The following TMEM176B variants were observed in gnomAD, a reference collection of about 807,000 sequenced individuals.
The protein encoded by TMEM176B is LR8-like protein.
TMEM176B carries 28 observed loss-of-function variants against 30.3 expected under a neutral mutation model. The observed-to-expected ratio is 0.92, with a 90% CI of 0.68 to 1.27. TMEM176B has a LOEUF of 1.27. Among genes scored for constraint, TMEM176B ranks in the 50% most tolerant of loss-of-function variants. The probability of loss-of-function intolerance (pLI) is 0.00; values close to 1 mark genes in which losing one functional copy is unlikely to be tolerated. For synonymous variants in TMEM176B, 123 were observed against 130.3 expected (o/e 0.94, Z 0.38); for missense variants, 349 against 327.4 (o/e 1.07, Z -0.51).
At chr7:150,793,905 C>G in intron 3 of TMEM176B, 56 bp downstream of exon 3, 1 of 1,437,942 alleles carries the variant, frequency 7.0e-7, no homozygotes, top group South Asian at 1.3e-5. Flanking sequence ...CCATAAGCGC[C>G]TTCTTGCCCA....
intron 6 of TMEM176B, 133 bp from the exon 7 acceptor site, chr7:150,791,756 A>AG (rs1798318271): frequency 1.1e-6 from 1 of 907,236 alleles, no homozygotes; most frequent in Non-Finnish European, 1.6e-6. Context: ...ATCAGGCAAA[A>AG]AAAAAACAAG....
At chr7:150,798,332 G>T (rs368453475) in intron 1 of TMEM176B, among the ~76,000 whole-genome samples, 11 of 152,178 alleles carry the variant, frequency 7.2e-5, no homozygotes, top group African/African-American at 2.4e-4. Flanking sequence ...TGTCGCCCAG[G>T]CTAGGGTGGC....
intron 2 of TMEM176B, among the ~76,000 whole-genome samples, chr7:150,795,196 C>T (rs1469555710): frequency 6.6e-6 from 1 of 152,210 alleles, no homozygotes; most frequent in Non-Finnish European, 1.5e-5. Flanking sequence ...GGTTCCTGCT[C>T]AGAATCCATT....
chr7:150,791,944 G>A (rs1798327158), intron 6 of TMEM176B, 112 bp downstream of exon 6: 2 of 1,473,982 alleles, frequency 1.4e-6, no homozygotes, highest in Admixed American at 3.8e-5. Context: ...AGAAGCTGAG[G>A]GGCACCAGGC....
At chr7:150,796,248 A>G in intron 2 of TMEM176B, 118 bp downstream of exon 2, 1 of 939,574 alleles carries the variant, frequency 1.1e-6, no homozygotes, top group Non-Finnish European at 1.6e-6. Context: ...GTATGCCCCA[A>G]ATTGCAATTC....
At chr7:150,793,847 A>G in intron 3 of TMEM176B, 114 bp downstream of exon 3, 1 of 1,020,346 alleles carries the variant, frequency 9.8e-7, no homozygotes, top group Non-Finnish European at 1.5e-6. Context: ...GCCAAAGGCC[A>G]TTTGGCTCCA....
rs1798308752 is a variant in TMEM176B at position 150,791,595 on chromosome 7, A to C, written c.749T>G (p.Leu250Arg). 3 of 1,613,934 alleles carry C rather than the reference A, an allele frequency of 1.9e-6. No individual in the cohort carries two copies. Among genetic ancestry groups the C allele is most frequent in the Non-Finnish European group, 8.5e-7 (1 of 1,179,976 alleles). The change falls in exon 7 of 7, where the codon CTG (leucine) becomes CGG (arginine). Residue 250 changes from leucine (L) to arginine (R), a missense_variant. Coordinates refer to ENST00000326442, the MANE Select transcript of TMEM176B (RefSeq NM_001101312.2). ...CGAAGGGGGCACTGAATTCTCCCCC[A>C]GTAGCCTCTTCTCTGATCCTTCCTC... ...LNEEGSEKRL[L>R]GENSVPPSPS...
intron 1 of TMEM176B, among the ~76,000 whole-genome samples, chr7:150,799,476 A>G (rs1425497681): frequency 6.6e-6 from 1 of 152,266 alleles, no homozygotes; most frequent in Non-Finnish European, 1.5e-5. Flanking sequence ...GCTCTAAAAT[A>G]AATCCTGCAT....
upstream of TMEM176B, chr7:150,801,357 C>CA (rs1421350399): frequency 2.0e-6 from 1 of 507,166 alleles, no homozygotes; most frequent in African/African-American, 3.2e-5. Flanking sequence ...CCAGCATGGT[C>CA]AGCACCCCCT....
In TMEM176B at chr7:150,791,535, A is replaced by C. The variant is rs755653248; in HGVS notation, c.809T>G (p.Leu270Arg). The change falls in exon 7 of 7, where the codon CTG becomes CGG. Residue 270 changes from leucine (L) to arginine (R), a missense_variant. Transcript: ENST00000326442. ...SREQTSTAIVL is the reference protein window; with the variant it reads ...SREQTSTAIVR ...CCCCGTGGGGTCTTTGGCAGCTCACAGGACAATGGCAGTGGAGGTCTGCTC... is the reference window on the plus strand; with the variant it reads ...CCCCGTGGGGTCTTTGGCAGCTCACCGGACAATGGCAGTGGAGGTCTGCTC... 1.4e-5 allele frequency: 23 copies of C among 1,613,462 alleles called. No homozygotes were observed. Among genetic ancestry groups the C allele is most frequent in the Non-Finnish European group, 1.9e-5 (23 of 1,179,868 alleles).
At chr7:150,801,074 G>A, upstream of TMEM176B, 15 of 858,082 alleles carry the variant, frequency 1.7e-5, no homozygotes, top group Non-Finnish European at 2.1e-5. Flanking sequence ...GGAGCGGGAG[G>A]TCGGCGGTGG....
chr7:150,792,204 C>G, intron 5 of TMEM176B, 29 bp from the exon 6 acceptor site: 1 of 1,610,054 alleles, frequency 6.2e-7, no homozygotes, highest in South Asian at 1.1e-5. Flanking sequence ...CAAAGATAGT[C>G]AGGTGTCAGC....
intron 2 of TMEM176B, 27 bp from the exon 3 acceptor site, chr7:150,794,098 C>G (rs902149249): frequency 1.3e-6 from 2 of 1,590,586 alleles, no homozygotes; most frequent in African/African-American, 2.7e-5. Context: ...GAAACCAGAC[C>G]CCTTCCCGTG....
intron 3 of TMEM176B, 118 bp downstream of exon 3, chr7:150,793,843 G>T (rs1798414327): frequency 1.0e-6 from 1 of 986,228 alleles, no homozygotes; most frequent in Non-Finnish European, 1.5e-6. Context: ...CATGGCCAAA[G>T]GCCATTTGGC....
At position 150,796,380 on chromosome 7, in the gene TMEM176B, GCTC is replaced by G; in HGVS notation, c.187_189del (p.Glu63del). On this transcript the variant is annotated inframe_deletion, in exon 2 of 7. Transcript: ENST00000326442. ...CCCAGTCTTACCCCTAGAGCCAGCTGCTCATAACCAATCCTGGCTGTGGAAGGC... is the reference window on the plus strand; with the variant it reads ...CCCAGTCTTACCCCTAGAGCCAGCTGATAACCAATCCTGGCTGTGGAAGGC... The G allele has an allele frequency of 6.2e-7, 1 of 1,614,178 alleles. No individual in the cohort carries two copies. The highest frequency in any genetic ancestry group is 8.5e-7 in the Non-Finnish European group (1 of 1,180,012).
intron 1 of TMEM176B, among the ~76,000 whole-genome samples, chr7:150,798,257 C>A (rs10226693): frequency 0.01 from 1,593 of 151,844 alleles, 28 homozygotes; most frequent in African/African-American, 0.037. Context: ...CCATGGTTTT[C>A]TTTTATTTCA....
In TMEM176B at chr7:150,794,053, C is replaced by T; in HGVS notation, c.223G>A (p.Gly75Arg). Residue 75 changes from glycine to arginine, a missense_variant, in exon 3 of 7, where the codon GGG (glycine) becomes AGG (arginine). Gly to Arg is a moderately radical substitution (Grantham distance 125). Coordinates refer to ENST00000326442, the MANE Select transcript of TMEM176B (RefSeq NM_001101312.2). ...ACTCCAAGAACACAACTCACAACCC[C>T]CAGCAATATCTGAGTCACCTGCAAG... The part of the protein sequence containing the change: ...LALGVTQILL[G>R]VVSCVLGVCL... The T allele has an allele frequency of 6.2e-7, 1 of 1,613,702 alleles. No individual in the cohort carries two copies. The highest frequency in any genetic ancestry group is 2.2e-5 in the East Asian group (1 of 44,848).
In TMEM176B at chr7:150,793,147, G is replaced by A. The variant is rs146268076; in HGVS notation, c.541C>T (p.Arg181Ter). ...TTCTGCCATTGGTTCTCTTGACTTC[G>A]CCGCATCCATCTGTACCCAGTGGTA... ...FPTTGYRWMRRSQENQWQKEE... is the reference protein window; with the variant it reads ...FPTTGYRWMR The change falls in exon 5 of 7, where the codon CGA (arginine) becomes TGA (stop). Residue 181 changes from arginine (R) to a stop codon, truncating the protein, a stop_gained. Coordinates refer to ENST00000326442, the MANE Select transcript of TMEM176B (RefSeq NM_001101312.2). LOFTEE classifies it high-confidence loss of function. 3.3e-5 allele frequency: 54 copies of A among 1,614,134 alleles called. No individual in the cohort carries two copies. In the African/African-American group the frequency reaches 3.6e-4, roughly 11 times the overall value.
At chr7:150,795,544 T>C (rs552105294) in intron 2 of TMEM176B, among the ~76,000 whole-genome samples, 5 of 152,326 alleles carry the variant, frequency 3.3e-5, no homozygotes, top group African/African-American at 7.2e-5. Context: ...TGATGGTCAC[T>C]GAGTACTTTT....
Sources: gnomAD v4.1 joint callset for allele counts (sites outside exome capture counted in the v4.1 genomes callset) on GRCh38, gnomAD v4.1.1 for gene constraint, MANE v1.5 for transcripts, NCBI Gene and HGNC (gene_info 2026-07-23, HGNC 2026-07-21) for gene names.